Variants in DRG1 observed in about 807,000 individuals in gnomAD.
DRG1 encodes the protein developmentally-regulated GTP-binding protein 1.
DRG1 carries 19 observed loss-of-function variants against 38.8 expected under a neutral mutation model. That is an observed-to-expected ratio of 0.49 (90% confidence interval 0.34 to 0.72). The LOEUF is 0.72. DRG1 is among the 30% of genes least tolerant of loss of function. DRG1 has a pLI of 0.01. For missense variants in DRG1, 299 were observed against 444.8 expected (o/e 0.67, Z 2.95); for synonymous variants, 167 against 157.5 (o/e 1.06, Z -0.45).
chr22:31,412,976 A>G (rs1168667630), intron 4 of DRG1, among the ~76,000 whole-genome samples: 2 of 151,818 alleles, frequency 1.3e-5, no homozygotes, highest in African/African-American at 2.4e-5. Context: ...ATGATGACTC[A>G]TATCTTTCAT....
In DRG1 at chr22:31,433,932, G is replaced by A. The variant is rs561120086; in HGVS notation, c.1065G>A (p.Thr355=). 74 of 1,614,076 alleles carry A rather than the reference G, an allele frequency of 4.6e-5. No homozygotes were observed. Among genetic ancestry groups the A allele is most frequent in the African/African-American group, 4.5e-4 (34 of 75,038 alleles). ...CTCAGAAAGTGGGTAAAGACCATAC[G>A]TTGGAGGATGAGGATGTCATTCAAA... ...HNPQKVGKDH[T]LEDEDVIQIV... The change falls in exon 9 of 9, where the codon ACG becomes ACA. Residue 355 remains threonine (T), a synonymous_variant. Coordinates refer to ENST00000331457, the MANE Select transcript of DRG1 (RefSeq NM_004147.4).
chr22:31,425,628 ATGT>A (rs546028811), intron 6 of DRG1, among the ~76,000 whole-genome samples: 4 of 151,986 alleles, frequency 2.6e-5, no homozygotes, highest in Admixed American at 2.0e-4. Flanking sequence ...TTTTGTAGAG[ATGT>A]TGTTTCACCA....
At position 31,400,633 on chromosome 22, in the gene DRG1, A is replaced by G. The variant is rs2049955799; in HGVS notation, c.56A>G (p.Gln19Arg). 3 of 1,612,946 alleles carry G rather than the reference A, an allele frequency of 1.9e-6. No individual in the cohort carries two copies. The highest frequency in any genetic ancestry group is 2.5e-6 in the Non-Finnish European group (3 of 1,179,388). ...AEIEAEMART[Q>R]KNKATAHHLG... ...CCTCCCTTTTAGATGGCTCGGACTC[A>G]AAAGAACAAGGCCACAGCACACCAC... The change falls in exon 2 of 9, where the codon CAA becomes CGA. Residue 19 changes from glutamine to arginine, a missense_variant. This residue lies in a region of DRG1 where 51 missense variants were observed against 56.1 expected (regional missense o/e 0.91). Coordinates refer to ENST00000331457, the MANE Select transcript of DRG1 (RefSeq NM_004147.4).
intron 3 of DRG1, among the ~76,000 whole-genome samples, chr22:31,410,267 C>T (rs1049048796): frequency 1.3e-5 from 2 of 151,996 alleles, no homozygotes; most frequent in Middle Eastern, 3.4e-3. Flanking sequence ...CCAGCCTGGC[C>T]AATATGGTGA....
intron 5 of DRG1, among the ~76,000 whole-genome samples, chr22:31,422,214 A>G (rs982102375): frequency 6.6e-6 from 1 of 152,272 alleles, no homozygotes; most frequent in Admixed American, 6.5e-5. Context: ...GGCAGATTAC[A>G]TGAGGTCAGG....
At chr22:31,410,485 T>G (rs1295574395) in intron 3 of DRG1, among the ~76,000 whole-genome samples, 2 of 150,888 alleles carry the variant, frequency 1.3e-5, no homozygotes, top group Non-Finnish European at 3.0e-5. Flanking sequence ...AAAACGCCTA[T>G]AGGCTGGCAT....
intron 6 of DRG1, among the ~76,000 whole-genome samples, chr22:31,424,019 C>T (rs1366471732): frequency 6.6e-6 from 1 of 151,654 alleles, no homozygotes; most frequent in East Asian, 1.9e-4. Context: ...CCTGTGCCGC[C>T]ACGCCTGGCT....
At chr22:31,420,112 T>C (rs537234415) in intron 4 of DRG1, 144 bp from the exon 5 acceptor site, 303 of 826,240 alleles carry the variant, frequency 3.7e-4, no homozygotes, top group Middle Eastern at 1.5e-3. Flanking sequence ...TCTGTAGCTA[T>C]AAGAACTTCA....
intron 6 of DRG1, among the ~76,000 whole-genome samples, chr22:31,423,970 T>C (rs2050093540): frequency 1.3e-5 from 2 of 151,266 alleles, no homozygotes; most frequent in South Asian, 2.1e-4. Context: ...TTCAAGCGAT[T>C]CTCCTCCCTC....
At chr22:31,400,970 C>T (rs932253322) in intron 2 of DRG1, among the ~76,000 whole-genome samples, 1 of 148,750 alleles carries the variant, frequency 6.7e-6, no homozygotes, top group Admixed American at 6.7e-5. Context: ...TTTTTAAAAA[C>T]AGAAAAATAA....
chr22:31,399,844 C>T, intron 1 of DRG1, 119 bp downstream of exon 1: 4 of 1,461,100 alleles, frequency 2.7e-6, no homozygotes, highest in South Asian at 1.2e-5. Context: ...CGACTTCTCT[C>T]AGCGAGGCCC....
At chr22:31,408,219 AC>A (rs1213099659) in intron 3 of DRG1, among the ~76,000 whole-genome samples, 2 of 98,948 alleles carry the variant, frequency 2.0e-5, no homozygotes, top group Non-Finnish European at 3.8e-5. Context: ...GCTCACTGCA[AC>A]CTCTGCCTCC....
rs1432564816 is a variant in DRG1 at position 31,400,613 on chromosome 22, C to T, written c.43-7C>T. 2 of 1,611,866 alleles carry T rather than the reference C, an allele frequency of 1.2e-6. No homozygotes were observed. The highest frequency in any genetic ancestry group is 1.3e-5 in the African/African-American group (1 of 74,934). On this transcript the variant is annotated splice_polypyrimidine_tract_variant and splice_region_variant and intron_variant, in intron 1 of 8. Coordinates refer to ENST00000331457, the MANE Select transcript of DRG1 (RefSeq NM_004147.4). ...TCTAATTTATGGCTGTGATTCCTCC[C>T]TTTTAGATGGCTCGGACTCAAAAGA... is the stretch of plus-strand genomic sequence containing the variant.
intron 1 of DRG1, 97 bp downstream of exon 1, chr22:31,399,822 G>C (rs1298471332): frequency 6.3e-7 from 1 of 1,578,204 alleles, no homozygotes; most frequent in Non-Finnish European, 8.7e-7. Flanking sequence ...TCAGGACCGG[G>C]CCTAGATTCC....
intron 6 of DRG1, among the ~76,000 whole-genome samples, chr22:31,424,135 G>T (rs1476615513): frequency 6.6e-6 from 1 of 151,046 alleles, no homozygotes; most frequent in Non-Finnish European, 1.5e-5. Flanking sequence ...AAAGTGCTGG[G>T]TTTACAGGTG....
chr22:31,422,624 A>G (rs1253532505), intron 5 of DRG1, among the ~76,000 whole-genome samples: 1 of 152,204 alleles, frequency 6.6e-6, no homozygotes, highest in African/African-American at 2.4e-5. Flanking sequence ...TTAACACTTC[A>G]GAGCCCAGAT....
At position 31,403,185 on chromosome 22, in the gene DRG1, A is replaced by G. The variant is rs2049972062; in HGVS notation, c.323A>G (p.Tyr108Cys). ...ACCACTGTGCCTGGTGTCATCAGAT[A>G]CAAAGGTGCCAAGATCCAGGTGAGT... ...TLTTVPGVIRYKGAKIQLLDL... is the reference protein window; with the variant it reads ...TLTTVPGVIRCKGAKIQLLDL... The change falls in exon 3 of 9, where the codon TAC (tyrosine) becomes TGC (cysteine). Residue 108 changes from tyrosine (Y) to cysteine (C), a missense_variant. Physicochemically the swap from Tyr to Cys is radical, Grantham distance 194 (BLOSUM62 -2). Around this residue, in one of 3 missense-constraint regions of DRG1, gnomAD observed 50 missense variants for 120.6 expected, o/e 0.41. Coordinates refer to ENST00000331457, the MANE Select transcript of DRG1 (RefSeq NM_004147.4). The G allele has an allele frequency of 3.1e-6, 5 of 1,610,866 alleles. No homozygotes were observed. The highest frequency in any genetic ancestry group is 4.2e-6 in the Non-Finnish European group (5 of 1,178,868).
intron 3 of DRG1, among the ~76,000 whole-genome samples, chr22:31,408,577 G>C (rs1182664944): frequency 1.3e-5 from 2 of 151,522 alleles, no homozygotes; most frequent in Non-Finnish European, 2.9e-5. Context: ...GTGAAAACTT[G>C]TCTCTACTAA....
chr22:31,422,292 C>T (rs915440771), intron 5 of DRG1, among the ~76,000 whole-genome samples: 2 of 151,606 alleles, frequency 1.3e-5, no homozygotes, highest in Non-Finnish European at 2.9e-5. Context: ...ATTAGCCAGG[C>T]GTGGTGGCAC....
Sources: allele counts gnomAD v4.1 joint callset (sites outside exome capture counted in the v4.1 genomes callset), GRCh38; gene constraint gnomAD v4.1.1; regional missense constraint gnomAD v4.1.1; transcripts MANE v1.5; gene names NCBI Gene and HGNC (gene_info 2026-07-23, HGNC 2026-07-21).